Variants in GNMT observed in about 807,000 individuals in gnomAD.
GNMT encodes epididymis secretory sperm binding protein Li 182mP.
A neutral mutation model predicts 30.2 loss-of-function variants in GNMT; 26 were observed. The ratio of observed to expected loss-of-function variants is 0.86; its 90% CI spans 0.63 to 1.19. The LOEUF (loss-of-function observed/expected upper bound fraction) is 1.19, where lower values mean the gene tolerates loss of function less well. Among genes scored for constraint, GNMT ranks in the 50% most tolerant of loss-of-function variants. The pLI is 0.00. For synonymous variants in GNMT, 163 were observed against 163.8 expected, an observed-to-expected ratio of 1.00 and a Z score of 0.04; for missense variants, 365 against 398.1, an observed-to-expected ratio of 0.92 and a Z score of 0.71.
chr6:42,962,972 G>A, intron 3 of GNMT, 94 bp downstream of exon 3: 2 of 1,591,554 alleles, frequency 1.3e-6, no homozygotes, highest in Non-Finnish European at 1.7e-6. Flanking sequence ...CAGACTCTCT[G>A]CCTTGGCTCT....
Position 42,963,876 on chromosome 6 carries a change from C to T in GNMT, c.*170C>T. ...TAAACAATATAGTCTTTTTCAGTTC[C>T]TGCATGCATTGTGTTTATTTATGTC... On this transcript the variant is annotated 3_prime_UTR_variant, in exon 6 of 6. Transcript: ENST00000372808. 1 of 650,748 alleles carries T rather than the reference C, an allele frequency of 1.5e-6. No homozygotes were observed. Among genetic ancestry groups the T allele is most frequent in the Non-Finnish European group, 2.6e-6 (1 of 378,390 alleles). The allele number at this position is 650,748 out of a possible 1,614,324, so 40.3% of individuals were successfully genotyped here. A position where few individuals can be genotyped will look rare whatever the true frequency, so the allele number is the denominator to read the frequency against.
intron 1 of GNMT, among the ~76,000 whole-genome samples, chr6:42,961,975 A>G (rs148836480): frequency 6.6e-6 from 1 of 152,266 alleles, no homozygotes; most frequent in East Asian, 1.9e-4. Flanking sequence ...CAGGATTGCC[A>G]TGAGAATTAA....
Position 42,963,405 on chromosome 6 carries a change from G to A in GNMT, c.672G>A (p.Thr224=), listed in dbSNP as rs762948139. Residue 224 remains threonine (T), a synonymous_variant, in exon 5 of 6, where the codon ACG becomes ACA. Transcript: ENST00000372808. ...NKAHMVTLDY[T]VQVPGAGQDG... ...CCCACATGGTGACCCTGGACTATAC[G>A]GTGCAGGTGCCGGGGGCTGGCCAGG... is the stretch of plus-strand genomic sequence containing the variant. 4.0e-5 allele frequency: 65 copies of A among 1,613,764 alleles called. No homozygotes were observed. The highest frequency in any genetic ancestry group is 1.8e-4 in the East Asian group (8 of 44,892).
At chr6:42,962,687 A>C (rs1769472494) in intron 2 of GNMT, 75 bp from the exon 3 acceptor site, 1 of 1,003,642 alleles carries the variant, frequency 1.0e-6, no homozygotes, top group Non-Finnish European at 1.6e-6. Context: ...CCCAGGCAGG[A>C]CTGCACTTGG....
chr6:42,960,822 C>T lies in GNMT; in HGVS notation c.55C>T (p.Pro19Ser). Reference sequence around the variant, plus strand: ...CCTGGGGGTGGCGGCCGAAGGGCTCCCGGACCAGTACGCGGACGGGGAGGC... The same window carrying T: ...CCTGGGGGTGGCGGCCGAAGGGCTCTCGGACCAGTACGCGGACGGGGAGGC... ...RSLGVAAEGL[P>S]DQYADGEAAR... Residue 19 changes from proline (P) to serine (S), a missense_variant, in exon 1 of 6, where the codon CCG becomes TCG. By Grantham distance (74) the Pro-to-Ser change is moderately conservative. Coordinates refer to ENST00000372808, the MANE Select transcript of GNMT (RefSeq NM_018960.6). 1 of 1,559,626 alleles carries T rather than the reference C, an allele frequency of 6.4e-7. No individual in the cohort carries two copies. Among genetic ancestry groups the T allele is most frequent in the Non-Finnish European group, 8.7e-7 (1 of 1,154,958 alleles).
At chr6:42,962,404 C>A (rs1769450528) in intron 2 of GNMT, 65 bp downstream of exon 2, 8 of 1,563,422 alleles carry the variant, frequency 5.1e-6, no homozygotes. Context: ...CTGCCTGGGG[C>A]TCCTTTAAGT....
chr6:42,962,379 G>C, intron 2 of GNMT, 40 bp downstream of exon 2: 3 of 1,611,308 alleles, frequency 1.9e-6, no homozygotes, highest in Non-Finnish European at 2.5e-6. Context: ...CCAGTCACCA[G>C]GAACACTGTT....
intron 5 of GNMT, 42 bp from the exon 6 acceptor site, chr6:42,963,493 T>G: frequency 6.2e-7 from 1 of 1,613,630 alleles, no homozygotes. Context: ...TTGGGGGAGC[T>G]GAGGTCACCA....
chr6:42,961,899 C>T (rs1050237067), intron 1 of GNMT, among the ~76,000 whole-genome samples: 2 of 152,090 alleles, frequency 1.3e-5, no homozygotes, highest in African/African-American at 2.4e-5. Flanking sequence ...TTTGTGCACA[C>T]GTATTTTAAC....
intron 1 of GNMT, among the ~76,000 whole-genome samples, chr6:42,961,548 CTCTTTTTTT>C: frequency 1.0e-5 from 1 of 99,628 alleles, no homozygotes; most frequent in Non-Finnish European, 1.9e-5. Context: ...CTCTATTTTT[CTCTTTTTTT>C]TTTTTTTTTT....
rs1769532501 is a variant in GNMT at position 42,963,310 on chromosome 6, C to A, written c.595-18C>A. The A allele has an allele frequency of 6.2e-7, 1 of 1,602,338 alleles. No homozygotes were observed. Among genetic ancestry groups the A allele is most frequent in the Non-Finnish European group, 8.5e-7 (1 of 1,174,808 alleles). On this transcript the variant is annotated intron_variant, in intron 4 of 5. Coordinates refer to ENST00000372808, the MANE Select transcript of GNMT (RefSeq NM_018960.6). ...GGTGGGTTACAGAGGCTAATGCCGG[C>A]TGCCCCACCACCTACAGAGTGACTT...
In GNMT at chr6:42,963,160, C is replaced by T. The variant is rs147746130; in HGVS notation, c.540C>T (p.Tyr180=). The T allele has an allele frequency of 4.0e-5, 64 of 1,610,936 alleles. No individual in the cohort carries two copies. The highest frequency in any genetic ancestry group is 3.5e-4 in the African/African-American group (26 of 74,282). The change falls in exon 4 of 6, where the codon TAC becomes TAT. Residue 180 remains tyrosine, a synonymous_variant. Coordinates refer to ENST00000372808, the MANE Select transcript of GNMT (RefSeq NM_018960.6). ...GGLLVIDHRN[Y]DHILSTGCAP... is the part of the protein sequence containing the mutation. The stretch of plus-strand genomic sequence containing the variant: ...TACTGGTCATTGATCATCGCAACTA[C>T]GACCACATCCTCAGTACAGGCTGTG...
chr6:42,963,416 CG>C lies in GNMT; in HGVS notation c.688del (p.Ala230LeufsTer9), dbSNP rs1206989169. On this transcript the variant is annotated frameshift_variant, in exon 5 of 6. Transcript: ENST00000372808. LOFTEE classifies it high-confidence loss of function. ...MVTLDYTVQV[P>X]GAGQDGSPGL... ...ACCCTGGACTATACGGTGCAGGTGCCGGGGGCTGGCCAGGATGGCTCTCCTG... is the reference window on the plus strand; with the variant it reads ...ACCCTGGACTATACGGTGCAGGTGCCGGGGCTGGCCAGGATGGCTCTCCTG... The C allele has an allele frequency of 2.5e-6, 4 of 1,613,706 alleles. No homozygotes were observed. In the African/African-American group the frequency reaches 4.0e-5, roughly 16 times the overall value.
At chr6:42,962,684 AG>A in intron 2 of GNMT, 77 bp from the exon 3 acceptor site, 2 of 985,956 alleles carry the variant, frequency 2.0e-6, no homozygotes, top group Non-Finnish European at 3.3e-6. Flanking sequence ...AAACCCAGGC[AG>A]GACTGCACTT....
rs984054622 is a variant in GNMT at position 42,962,791 on chromosome 6, G to A, written c.364G>A (p.Asp122Asn). The A allele has an allele frequency of 1.9e-6, 3 of 1,614,124 alleles. No homozygotes were observed. The highest frequency in any genetic ancestry group is 2.5e-6 in the Non-Finnish European group (3 of 1,179,966). The change falls in exon 3 of 6, where the codon GAC becomes AAC. Residue 122 changes from aspartate (D) to asparagine (N), a missense_variant. Physicochemically the swap from Asp to Asn is conservative, Grantham distance 23. This residue lies in a region of GNMT where 232 missense variants were observed against 263.0 expected (regional missense o/e 0.88). Coordinates refer to ENST00000372808, the MANE Select transcript of GNMT (RefSeq NM_018960.6). ...CGAAGAAGCCAACTGGATGACTCTGGACAAAGATGTGCCCCAGTCAGCAGA... is the reference window on the plus strand; with the variant it reads ...CGAAGAAGCCAACTGGATGACTCTGAACAAAGATGTGCCCCAGTCAGCAGA... ...VIEEANWMTL[D>N]KDVPQSAEGG...
At chr6:42,962,913 C>A in intron 3 of GNMT, 35 bp downstream of exon 3, 2 of 1,578,134 alleles carry the variant, frequency 1.3e-6, no homozygotes, top group Non-Finnish European at 1.7e-6. Context: ...ATGGCCCCCG[C>A]CTTGAGGCCC....
Position 42,960,934 on chromosome 6 carries a change from A to G in GNMT, c.167A>G (p.His56Arg), listed in dbSNP as rs1300530729. ...TGGCTGCTTGGGCTGCTGCGCCAGC[A>G]CGGCTGCCAGCGGGTGCTCGACGTA... ...KAWLLGLLRQ[H>R]GCQRVLDVAC... The change falls in exon 1 of 6, where the codon CAC (histidine) becomes CGC (arginine). Residue 56 changes from histidine (H) to arginine (R), a missense_variant. Coordinates refer to ENST00000372808, the MANE Select transcript of GNMT (RefSeq NM_018960.6). The G allele has an allele frequency of 6.4e-7, 1 of 1,564,878 alleles. No individual in the cohort carries two copies. The highest frequency in any genetic ancestry group is 1.9e-5 in the Admixed American group (1 of 53,736).
intron 3 of GNMT, 48 bp from the exon 4 acceptor site, chr6:42,963,024 T>C: frequency 6.2e-7 from 1 of 1,608,972 alleles, no homozygotes; most frequent in Non-Finnish European, 8.5e-7. Flanking sequence ...AGACTGGTGC[T>C]GGGGGCCCTG....
At chr6:42,961,093 G>A (rs990222264) in intron 1 of GNMT, 120 bp downstream of exon 1, 2 of 839,012 alleles carry the variant, frequency 2.4e-6, no homozygotes, top group Admixed American at 2.9e-5. Flanking sequence ...ATCCTGGAAC[G>A]GGTGGGACAC....
Sources: gnomAD v4.1 joint callset for allele counts (sites outside exome capture counted in the v4.1 genomes callset) on GRCh38, gnomAD v4.1.1 for gene constraint, gnomAD v4.1.1 regional missense constraint, MANE v1.5 for transcripts, NCBI Gene and HGNC (gene_info 2026-07-23, HGNC 2026-07-21) for gene names.